Variants in KHDRBS2 observed in about 807,000 individuals in gnomAD.
KHDRBS2 encodes the protein KH RNA binding domain containing, signal transduction associated 2.
KHDRBS2 carries 26 observed loss-of-function variants against 44.3 expected under a neutral mutation model. That is an observed-to-expected ratio of 0.59 (90% CI 0.43 to 0.81). The LOEUF (loss-of-function observed/expected upper bound fraction) is 0.81. Ranked by LOEUF, KHDRBS2 falls within the 40% of genes least tolerant of loss-of-function variation. The pLI is 0.00. For missense variants in KHDRBS2, 476 were observed against 433.1 expected (o/e 1.10, Z -0.88); for synonymous variants, 194 against 151.1 (o/e 1.28, Z -2.08).
chr6:61,671,812 G>C, the KHDRBS2 span, among the ~76,000 whole-genome samples: 1 of 151,504 alleles, frequency 6.6e-6, no homozygotes, highest in African/African-American at 2.4e-5. Flanking sequence ...TATATTTCTA[G>C]TTTGAAATTG....
intron 2 of KHDRBS2, among the ~76,000 whole-genome samples, chr6:62,074,344 T>C (rs1020788802): frequency 6.6e-6 from 1 of 151,910 alleles, no homozygotes; most frequent in Non-Finnish European, 1.5e-5. Flanking sequence ...CATTCCTGCA[T>C]GTCTCCCATA....
chr6:61,613,584 C>T, the KHDRBS2 span, among the ~76,000 whole-genome samples: 1 of 152,118 alleles, frequency 6.6e-6, no homozygotes, highest in African/African-American at 2.4e-5. Flanking sequence ...CACCCACTCC[C>T]TACTATTTTC....
chr6:62,286,057 G>T lies in KHDRBS2; in HGVS notation c.-109C>A, dbSNP rs1842453962. The T allele has an allele frequency of 2.8e-6, 2 of 712,926 alleles. No individual in the cohort carries two copies. Among genetic ancestry groups the T allele is most frequent in the African/African-American group, 1.8e-5 (1 of 56,328 alleles). 44.2% of individuals were successfully genotyped at this position (712,926 alleles called of 1,614,324 possible). On this transcript the variant is annotated 5_prime_UTR_variant, in exon 1 of 9. Coordinates refer to ENST00000281156, the MANE Select transcript of KHDRBS2 (RefSeq NM_152688.4). ...TCCCGCGCTGCTCCTCCTCCGCGCG[G>T]CGAGGGATCTCTGTGCGTCCTCACT... is the stretch of plus-strand genomic sequence containing the variant.
At chr6:61,812,774 A>G (rs1788328945) in intron 6 of KHDRBS2, among the ~76,000 whole-genome samples, 1 of 152,082 alleles carries the variant, frequency 6.6e-6, no homozygotes, top group African/African-American at 2.4e-5. Flanking sequence ...AAACAAAAAC[A>G]AAAAATATTG....
At position 62,286,143 on chromosome 6, in the gene KHDRBS2, C is replaced by G. The variant is rs544528078; in HGVS notation, c.-195G>C. On this transcript the variant is annotated 5_prime_UTR_variant, in exon 1 of 9. Transcript: ENST00000281156. ...GGGCTGCGTGGCCCCGCGCCCACAC[C>G]TGCCCGTCCCTTCCGTCGTCCCTCG... 13 of 563,724 alleles carry G rather than the reference C, an allele frequency of 2.3e-5. No homozygotes were observed. The South Asian group carries it at 2.6e-4, about 11-fold the overall frequency. The allele number at this position is 563,724 out of a possible 1,614,324, so 34.9% of individuals were successfully genotyped here. A position where few individuals can be genotyped will look rare whatever the true frequency, so the allele number is the denominator to read the frequency against.
At chr6:61,825,830 A>G (rs1338812570) in intron 6 of KHDRBS2, among the ~76,000 whole-genome samples, 3 of 152,156 alleles carry the variant, frequency 2.0e-5, no homozygotes, top group African/African-American at 7.2e-5. Context: ...GGGGATGATG[A>G]GAATAGAACC....
chr6:61,719,991 A>C (rs1430103760), intron 7 of KHDRBS2, among the ~76,000 whole-genome samples: 1 of 151,870 alleles, frequency 6.6e-6, no homozygotes, highest in South Asian at 2.1e-4. Flanking sequence ...ATGTGTTCTC[A>C]TTGTTCAATT....
the KHDRBS2 span, among the ~76,000 whole-genome samples, chr6:61,588,187 T>C: frequency 1.5e-3 from 226 of 152,302 alleles, 4 homozygotes; most frequent in African/African-American, 5.2e-3. Flanking sequence ...TTATGATTCA[T>C]GTAACTACTG....
rs1802664035 is a variant in KHDRBS2 at position 61,894,946 on chromosome 6, T to A, written c.612-113A>T. The A allele has an allele frequency of 4.6e-6, 3 of 646,908 alleles. No homozygotes were observed. In the East Asian group the frequency reaches 8.3e-5, roughly 18 times the overall value. The allele number at this position is 646,908 out of a possible 1,614,324, so 40.1% of individuals were successfully genotyped here. On this transcript the variant is annotated intron_variant, in intron 5 of 8. Coordinates refer to ENST00000281156, the MANE Select transcript of KHDRBS2 (RefSeq NM_152688.4). ...ATACAATGAAATAAATACAAATTTC[T>A]CTCTCTCTCTCTGTGTGTGTGTGTG... is the stretch of plus-strand genomic sequence containing the variant.
At chr6:61,908,315 G>A (rs542526763) in intron 4 of KHDRBS2, among the ~76,000 whole-genome samples, 47 of 152,148 alleles carry the variant, frequency 3.1e-4, no homozygotes, top group African/African-American at 1.1e-3. Flanking sequence ...AATTTTTAGT[G>A]GAAAATTTAA....
chr6:61,828,133 C>G lies in KHDRBS2; in HGVS notation c.810+66502G>C, dbSNP rs149821555. Among the ~76,000 whole-genome samples the G allele has an allele frequency of 8.3e-4, 127 of 152,272 alleles. 2 individuals carry two copies. In the East Asian group the frequency reaches 0.023, roughly 28 times the overall value. ...ATGTTCAGACCTCTCTATCCTTTGC[C>G]CAAGCCTTCTGGATTTCCTGAATCC... On this transcript the variant is annotated intron_variant, in intron 6 of 8. Transcript: ENST00000281156.
intron 1 of KHDRBS2, among the ~76,000 whole-genome samples, chr6:62,246,887 T>A (rs1263714181): frequency 1.3e-5 from 2 of 152,050 alleles, no homozygotes; most frequent in African/African-American, 4.8e-5. Context: ...CATTGAATAA[T>A]TACCTGACAG....
Position 62,087,309 on chromosome 6 carries a change from G to A in KHDRBS2, c.220-39315C>T, listed in dbSNP as rs554676689. On this transcript the variant is annotated intron_variant, in intron 2 of 8. Coordinates refer to ENST00000281156, the MANE Select transcript of KHDRBS2 (RefSeq NM_152688.4). ...TAAAAGACATTAAGAAAATTATATTGGAGTTAAAGATAAATCAGAATTAGG... is the reference window on the plus strand; with the variant it reads ...TAAAAGACATTAAGAAAATTATATTAGAGTTAAAGATAAATCAGAATTAGG... 3.1e-3 allele frequency among the ~76,000 whole-genome samples: 465 copies of A among 151,956 alleles called. 1 individual carries two copies. Among genetic ancestry groups the A allele is most frequent in the Non-Finnish European group, 4.4e-3 (297 of 67,936 alleles).
At chr6:62,007,172 T>G (rs2127265266) in intron 3 of KHDRBS2, among the ~76,000 whole-genome samples, 1 of 152,194 alleles carries the variant, frequency 6.6e-6, no homozygotes, top group Non-Finnish European at 1.5e-5. Flanking sequence ...CCAATCCAGT[T>G]GTACTTTTTC....
At chr6:61,912,606 C>T (rs1249799114) in intron 4 of KHDRBS2, among the ~76,000 whole-genome samples, 2 of 152,134 alleles carry the variant, frequency 1.3e-5, no homozygotes, top group Non-Finnish European at 2.9e-5. Context: ...ACTGGTACAA[C>T]TAGGTTCTCC....
rs79241074 is a variant in KHDRBS2 at position 62,056,085 on chromosome 6, T to C, written c.220-8091A>G. 5.1e-3 allele frequency among the ~76,000 whole-genome samples: 774 copies of C among 152,120 alleles called. 7 individuals are homozygous for C. Among genetic ancestry groups the C allele is most frequent in the African/African-American group, 0.018 (750 of 41,546 alleles). On this transcript the variant is annotated intron_variant, in intron 2 of 8. Transcript: ENST00000281156. Reference sequence around the variant, plus strand: ...TGTTGGTGGAACTTTCCTGAAGACCTTTCCTTCATCTCTTCCCACAGTTAT... The same window carrying C: ...TGTTGGTGGAACTTTCCTGAAGACCCTTCCTTCATCTCTTCCCACAGTTAT...
intron 3 of KHDRBS2, among the ~76,000 whole-genome samples, chr6:62,039,933 C>G (rs577009078): frequency 6.6e-6 from 1 of 152,014 alleles, no homozygotes; most frequent in Non-Finnish European, 1.5e-5. Context: ...CCCAATTAAC[C>G]TTGAGTTTTG....
At chr6:62,000,642 G>T (rs1286306996) in intron 3 of KHDRBS2, among the ~76,000 whole-genome samples, 3 of 152,034 alleles carry the variant, frequency 2.0e-5, no homozygotes, top group Admixed American at 1.3e-4. Flanking sequence ...CAGAGAAAAA[G>T]ATGCCGGAGG....
chr6:61,990,113 C>T (rs1775850295), intron 3 of KHDRBS2, among the ~76,000 whole-genome samples: 1 of 152,134 alleles, frequency 6.6e-6, no homozygotes, highest in Non-Finnish European at 1.5e-5. Flanking sequence ...CTACGTGGAC[C>T]ACCAGAGATC....
Sources: allele counts gnomAD v4.1 joint callset (sites outside exome capture counted in the v4.1 genomes callset), GRCh38; gene constraint gnomAD v4.1.1; transcripts MANE v1.5; gene names NCBI Gene and HGNC (gene_info 2026-07-23, HGNC 2026-07-21).